ASTN2: variants seen among roughly 807,000 people sequenced by gnomAD.
ASTN2 encodes astrotactin-2.
In ASTN2, 54 loss-of-function variants were observed where a neutral mutation model predicts 139.8. The ratio of observed to expected loss-of-function variants is 0.39; its 90% CI spans 0.31 to 0.48. ASTN2 has a LOEUF of 0.48. Ranked by LOEUF, ASTN2 falls within the 20% of genes least tolerant of loss-of-function variation. ASTN2 has a pLI of 0.95. For synonymous variants in ASTN2, 756 were observed against 719.5 expected (o/e 1.05, Z -0.81); for missense variants, 1,565 against 1,725.1 (o/e 0.91, Z 1.64).
chr9:116,631,670 T>G (rs903406361), intron 17 of ASTN2, among the ~76,000 whole-genome samples: 1 of 152,144 alleles, frequency 6.6e-6, no homozygotes, highest in Admixed American at 6.5e-5. Context: ...GTAGGATGAC[T>G]ATAGTTAACA....
chr9:116,658,076 T>G (rs190205612), intron 16 of ASTN2, among the ~76,000 whole-genome samples: 1 of 151,974 alleles, frequency 6.6e-6, no homozygotes, highest in Non-Finnish European at 1.5e-5. Flanking sequence ...AGAAGAGATT[T>G]AAGGAAGTTT....
intron 16 of ASTN2, among the ~76,000 whole-genome samples, chr9:116,679,887 A>G (rs1859738505): frequency 6.6e-6 from 1 of 152,192 alleles, no homozygotes; most frequent in Non-Finnish European, 1.5e-5. Flanking sequence ...TGTAGAGGGA[A>G]ATTTATAGCA....
At chr9:116,640,989 A>G (rs1857299734) in intron 17 of ASTN2, among the ~76,000 whole-genome samples, 1 of 152,168 alleles carries the variant, frequency 6.6e-6, no homozygotes, top group Non-Finnish European at 1.5e-5. Context: ...TGGAAAGGAA[A>G]GAGGAGTTAT....
intron 13 of ASTN2, among the ~76,000 whole-genome samples, chr9:116,785,976 C>G (rs1307734310): frequency 6.6e-6 from 1 of 152,138 alleles, no homozygotes; most frequent in African/African-American, 2.4e-5. Flanking sequence ...CCCACAGGAC[C>G]CTATACAAAA....
chr9:116,958,083 T>C (rs1195576457), intron 10 of ASTN2, among the ~76,000 whole-genome samples: 1 of 152,206 alleles, frequency 6.6e-6, no homozygotes, highest in African/African-American at 2.4e-5. Flanking sequence ...ATGTTAACTT[T>C]GGTTAAGGTG....
intron 20 of ASTN2, among the ~76,000 whole-genome samples, chr9:116,449,677 T>C (rs1434120092): frequency 1.3e-5 from 2 of 152,176 alleles, no homozygotes; most frequent in Non-Finnish European, 2.9e-5. Context: ...AGGGATGCTG[T>C]GTGACTTCTG....
rs113231426 is a variant in ASTN2 at position 117,041,491 on chromosome 9, A to G, written c.1277-1526T>C. Among the ~76,000 whole-genome samples the G allele has an allele frequency of 5.6e-3, 860 of 152,258 alleles. 5 individuals carry two copies. The highest frequency in any genetic ancestry group is 9.2e-3 in the Non-Finnish European group (623 of 68,026). ...TTGAGTTTCTGTCTTCCTCCTTTAC[A>G]GCATCTGAAGAGTTGTGTAGTGCTA... is the stretch of plus-strand genomic sequence containing the variant. On this transcript the variant is annotated intron_variant, in intron 5 of 22. Transcript: ENST00000313400.
rs71379267 is a variant in ASTN2 at position 117,144,660 on chromosome 9, G to GTTTTTTTTTTTTTTTTTTTTT, written c.1016-3203_1016-3183dup. Among the ~76,000 whole-genome samples the GTTTTTTTTTTTTTTTTTTTTT allele has an allele frequency of 5.1e-5, 4 of 78,348 alleles. 1 individual carries two copies. Among genetic ancestry groups the GTTTTTTTTTTTTTTTTTTTTT allele is most frequent in the African/African-American group, 2.4e-4 (4 of 16,566 alleles). The allele number at this position is 78,348 out of a possible 152,430, so 51.4% of individuals were successfully genotyped here. On this transcript the variant is annotated intron_variant, in intron 3 of 22. Coordinates refer to ENST00000313400, the MANE Select transcript of ASTN2 (RefSeq NM_001365068.1). ...TGACATTTGAGAGGAGTGAACACTA[G>GTTTTTTTTTTTTTTTTTTTTT]TTTTTTTTTTTTTTTTTTTTTTTTT... is the stretch of plus-strand genomic sequence containing the variant.
At chr9:117,020,938 C>A (rs1421659096) in intron 6 of ASTN2, among the ~76,000 whole-genome samples, 1 of 152,126 alleles carries the variant, frequency 6.6e-6, no homozygotes, top group Non-Finnish European at 1.5e-5. Flanking sequence ...CCCACACTCT[C>A]CAGTGGCGCT....
chr9:116,441,049 C>A (rs567352699), intron 21 of ASTN2, among the ~76,000 whole-genome samples: 4 of 152,162 alleles, frequency 2.6e-5, no homozygotes, highest in Non-Finnish European at 5.9e-5. Flanking sequence ...GCACTCAACA[C>A]AGGGTCTGGC....
intron 17 of ASTN2, among the ~76,000 whole-genome samples, chr9:116,649,722 T>C (rs916761010): frequency 1.3e-5 from 2 of 152,138 alleles, no homozygotes; most frequent in African/African-American, 4.8e-5. Flanking sequence ...ATTTCAATGC[T>C]GTCCCATGGA....
intron 10 of ASTN2, among the ~76,000 whole-genome samples, chr9:116,879,466 C>A (rs772077474): frequency 3.9e-5 from 6 of 152,156 alleles, no homozygotes; most frequent in Non-Finnish European, 7.3e-5. Flanking sequence ...AACTCTGCTG[C>A]TCATTTGCTG....
At chr9:117,342,162 G>T (rs985893584) in intron 1 of ASTN2, among the ~76,000 whole-genome samples, 2 of 152,098 alleles carry the variant, frequency 1.3e-5, no homozygotes, top group African/African-American at 4.8e-5. Context: ...CGGAACTCAG[G>T]TCCCCGAACA....
At chr9:117,358,800 T>C (rs1021540916) in intron 1 of ASTN2, among the ~76,000 whole-genome samples, 4 of 152,112 alleles carry the variant, frequency 2.6e-5, no homozygotes, top group Non-Finnish European at 2.9e-5. Flanking sequence ...AACAGATCCC[T>C]TACCTCTGCT....
intron 13 of ASTN2, among the ~76,000 whole-genome samples, chr9:116,763,963 C>T (rs1312784132): frequency 6.6e-6 from 1 of 152,166 alleles, no homozygotes; most frequent in Non-Finnish European, 1.5e-5. Context: ...GAAAGAGAAA[C>T]AGGATGTAGC....
chr9:116,708,642 T>C (rs1475123974), intron 16 of ASTN2, among the ~76,000 whole-genome samples: 3 of 152,154 alleles, frequency 2.0e-5, no homozygotes, highest in Non-Finnish European at 4.4e-5. Flanking sequence ...GATGGACCAC[T>C]ACCCCACACA....
chr9:116,461,764 T>G (rs1588081319), intron 20 of ASTN2, among the ~76,000 whole-genome samples: 1 of 152,170 alleles, frequency 6.6e-6, no homozygotes, highest in Non-Finnish European at 1.5e-5. Context: ...CAACCTGTAG[T>G]AGGTATGTCC....
chr9:117,014,818 G>A (rs1837630493), intron 6 of ASTN2, among the ~76,000 whole-genome samples: 2 of 152,152 alleles, frequency 1.3e-5, no homozygotes, highest in African/African-American at 2.4e-5. Context: ...TGAGGACACA[G>A]GGAGAGGACA....
chr9:117,007,443 C>G (rs995296865), intron 7 of ASTN2, among the ~76,000 whole-genome samples: 3 of 152,098 alleles, frequency 2.0e-5, no homozygotes, highest in African/African-American at 7.2e-5. Context: ...GGTGGTATGA[C>G]TGGGAAAATG....
Sources: gnomAD v4.1 joint callset for allele counts (sites outside exome capture counted in the v4.1 genomes callset) on GRCh38, gnomAD v4.1.1 for gene constraint, MANE v1.5 for transcripts, NCBI Gene and HGNC (gene_info 2026-07-23, HGNC 2026-07-21) for gene names.